Variants in HFM1 observed in about 807,000 individuals in gnomAD.
HFM1 encodes the protein helicase for meiosis 1.
In HFM1, 169 loss-of-function variants were observed where a neutral mutation model predicts 192.1. The ratio of observed to expected loss-of-function variants is 0.88; its 90% CI spans 0.78 to 1.00. The LOEUF (loss-of-function observed/expected upper bound fraction) is 1.00. Ranked by LOEUF, HFM1 falls within the 50% of genes least tolerant of loss-of-function variation. The pLI is 0.00. For synonymous variants in HFM1, 525 were observed against 537.8 expected (o/e 0.98, Z 0.33); for missense variants, 1,661 against 1,668.0 (o/e 1.00, Z 0.07).
At chr1:91,328,723 T>G (rs1653324405) in intron 20 of HFM1, 1 of 1,608,052 alleles carries the variant, frequency 6.2e-7, no homozygotes, top group South Asian at 1.1e-5. Flanking sequence ...TACAGCAGGC[T>G]CAGGCTGCTG....
chr1:91,379,014 G>T, intron 9 of HFM1, 49 bp downstream of exon 9: 1 of 1,128,130 alleles, frequency 8.9e-7, no homozygotes, highest in Non-Finnish European at 1.2e-6. Flanking sequence ...AAGAAAAATA[G>T]GTATTTTCTA....
intron 13 of HFM1, among the ~76,000 whole-genome samples, chr1:91,363,535 A>C (rs1250667016): frequency 2.4e-4 from 37 of 151,976 alleles, no homozygotes; most frequent in Non-Finnish European, 3.8e-4. Context: ...AAAAAAAAAA[A>C]AAACAGATGC....
intron 20 of HFM1, among the ~76,000 whole-genome samples, chr1:91,331,825 G>A (rs1653871761): frequency 6.6e-6 from 1 of 152,300 alleles, no homozygotes; most frequent in South Asian, 2.1e-4. Context: ...GAACCCGAGA[G>A]GCAGAGGTTG....
Position 91,264,650 on chromosome 1 carries a change from A to G in HFM1, c.3974+1367T>C, listed in dbSNP as rs370729498. On this transcript the variant is annotated intron_variant, in intron 36 of 38. Transcript: ENST00000370425. Reference sequence around the variant, plus strand: ...GGCCTCCCAAAGTGCTGGGATTACAAGCGTGAGCCACCGCGAGTATTTTTT... The same window carrying G: ...GGCCTCCCAAAGTGCTGGGATTACAGGCGTGAGCCACCGCGAGTATTTTTT... 4.6e-5 allele frequency among the ~76,000 whole-genome samples: 7 copies of G among 151,694 alleles called. No individual in the cohort carries two copies. The East Asian group carries it at 7.8e-4, about 17-fold the overall frequency.
intron 36 of HFM1, among the ~76,000 whole-genome samples, chr1:91,264,379 T>C (rs1264704213): frequency 9.4e-6 from 1 of 106,830 alleles, no homozygotes; most frequent in Admixed American, 9.2e-5. Context: ...TTTTTTTTTT[T>C]TTTTTTTTTT....
intron 13 of HFM1, among the ~76,000 whole-genome samples, chr1:91,354,991 T>C (rs1372788095): frequency 6.6e-6 from 1 of 152,072 alleles, no homozygotes; most frequent in Non-Finnish European, 1.5e-5. Flanking sequence ...ATCTCTATTA[T>C]GAAGGTGAAA....
intron 30 of HFM1, among the ~76,000 whole-genome samples, chr1:91,295,363 T>C (rs1203518123): frequency 1.3e-5 from 2 of 152,202 alleles, no homozygotes; most frequent in Non-Finnish European, 2.9e-5. Flanking sequence ...AAGTCCAAGA[T>C]CAAGGTGTTG....
chr1:91,307,170 G>C (rs1384171909), intron 30 of HFM1, among the ~76,000 whole-genome samples: 2 of 151,800 alleles, frequency 1.3e-5, no homozygotes. Context: ...ATTTTTCTCT[G>C]TTGTATATTT....
At position 91,269,127 on chromosome 1, in the gene HFM1, T is replaced by C. The variant is rs112551511; in HGVS notation, c.3773-1272A>G. Among the ~76,000 whole-genome samples the C allele has an allele frequency of 2.3e-3, 348 of 152,230 alleles. 1 individual carries two copies. Among genetic ancestry groups the C allele is most frequent in the African/African-American group, 7.9e-3 (327 of 41,564 alleles). ...CAATAAATCAAACCCAGATTGGTAG[T>C]ATTTGCTGATTCCTATGGTATAAAT... On this transcript the variant is annotated intron_variant, in intron 34 of 38. Coordinates refer to ENST00000370425, the MANE Select transcript of HFM1 (RefSeq NM_001017975.6).
chr1:91,350,872 C>G lies in HFM1; in HGVS notation c.2073-1G>C, dbSNP rs752276382. 1 of 1,563,900 alleles carries G rather than the reference C, an allele frequency of 6.4e-7. No individual in the cohort carries two copies. The highest frequency in any genetic ancestry group is 1.7e-5 in the Admixed American group (1 of 57,296). ...ATGTTCAATAAGATGTCTGTGCAAA[C>G]TAATGAAAAAAAACTTTGCATTATG... On this transcript the variant is annotated splice_acceptor_variant, in intron 17 of 38. Transcript: ENST00000370425. LOFTEE classifies it high-confidence loss of function.
chr1:91,362,689 A>G (rs1658673071), intron 13 of HFM1, among the ~76,000 whole-genome samples: 1 of 152,176 alleles, frequency 6.6e-6, no homozygotes, highest in Non-Finnish European at 1.5e-5. Flanking sequence ...ATCAGAAAAA[A>G]ACTATTGTAA....
intron 20 of HFM1, among the ~76,000 whole-genome samples, chr1:91,336,161 C>T (rs1654543440): frequency 1.3e-5 from 2 of 149,886 alleles, no homozygotes; most frequent in South Asian, 2.1e-4. Context: ...CTCCTCCTTC[C>T]CTTCTTGCAA....
At chr1:91,380,283 C>G in intron 7 of HFM1, 47 bp from the exon 8 acceptor site, 1 of 1,133,234 alleles carries the variant, frequency 8.8e-7, no homozygotes, top group Non-Finnish European at 1.2e-6. Flanking sequence ...GACTTTTTCA[C>G]ACACATTCTC....
chr1:91,373,278 A>G (rs1228795051), intron 13 of HFM1, among the ~76,000 whole-genome samples: 1 of 152,134 alleles, frequency 6.6e-6, no homozygotes, highest in Non-Finnish European at 1.5e-5. Context: ...TCTGACCCAA[A>G]GCGGAGAGAA....
At chr1:91,287,648 A>C (rs1486294282) in intron 30 of HFM1, among the ~76,000 whole-genome samples, 1 of 152,180 alleles carries the variant, frequency 6.6e-6, no homozygotes, top group Non-Finnish European at 1.5e-5. Flanking sequence ...CAGCAACAGA[A>C]CAAAGCTGGA....
At chr1:91,379,324 A>T in intron 8 of HFM1, 110 bp from the exon 9 acceptor site, 1 of 771,358 alleles carries the variant, frequency 1.3e-6, no homozygotes, top group Non-Finnish European at 2.1e-6. Flanking sequence ...CATACTCCTA[A>T]TATTGATAAA....
intron 25 of HFM1, among the ~76,000 whole-genome samples, chr1:91,317,232 T>C (rs1385397078): frequency 1.3e-5 from 2 of 152,046 alleles, no homozygotes; most frequent in Non-Finnish European, 2.9e-5. Context: ...CTGACCAACA[T>C]GGAGAAACCC....
chr1:91,333,511 T>TA (rs139977746), intron 20 of HFM1, among the ~76,000 whole-genome samples: 23,895 of 145,638 alleles, frequency 0.16, 2,506 homozygotes, highest in Non-Finnish European at 0.24. Flanking sequence ...GGTACAAAAA[T>TA]AAAAAAAAAA....
intron 20 of HFM1, among the ~76,000 whole-genome samples, chr1:91,325,294 G>A (rs1570956754): frequency 6.6e-6 from 1 of 152,194 alleles, no homozygotes; most frequent in East Asian, 1.9e-4. Flanking sequence ...CTCTCAGACA[G>A]TATCTCTGGA....
Sources: gnomAD v4.1 joint callset for allele counts (sites outside exome capture counted in the v4.1 genomes callset) on GRCh38, gnomAD v4.1.1 for gene constraint, MANE v1.5 for transcripts, NCBI Gene and HGNC (gene_info 2026-07-23, HGNC 2026-07-21) for gene names.